Variants in MMP17 observed in about 807,000 individuals in gnomAD.
MMP17 encodes matrix metalloproteinase-17.
MMP17 carries 54 observed loss-of-function variants against 49.1 expected under a neutral mutation model. The ratio of observed to expected loss-of-function variants is 1.10; its 90% CI spans 0.88 to 1.38. The LOEUF is 1.38. Among genes scored for constraint, MMP17 ranks in the 40% most tolerant of loss-of-function variants. The pLI, the probability that MMP17 is intolerant of heterozygous loss-of-function variation, is 0.00. For synonymous variants in MMP17, 397 were observed against 383.1 expected (o/e 1.04, Z -0.42); for missense variants, 837 against 853.7 (o/e 0.98, Z 0.24).
At chr12:131,844,953 G>T in intron 6 of MMP17, 165 bp from the exon 7 acceptor site, 2 of 650,578 alleles carry the variant, frequency 3.1e-6, no homozygotes, top group South Asian at 1.9e-5. Context: ...GCGGTGGACA[G>T]GCACCCCCGT....
intron 8 of MMP17, among the ~76,000 whole-genome samples, chr12:131,849,382 G>C (rs1887860623): frequency 6.6e-6 from 1 of 152,200 alleles, no homozygotes; most frequent in African/African-American, 2.4e-5. Context: ...TACGCGGGAG[G>C]CTGAGGCATG....
intron 1 of MMP17, among the ~76,000 whole-genome samples, chr12:131,829,419 G>T (rs745950887): frequency 2.5e-4 from 38 of 152,230 alleles, no homozygotes; most frequent in Non-Finnish European, 4.4e-4. Flanking sequence ...GTCTCCTGTG[G>T]ACCCGGAAGA....
At position 131,851,246 on chromosome 12, in the gene MMP17, G is replaced by A; in HGVS notation, c.1784G>A (p.Trp595Ter). 1 of 1,445,264 alleles carries A rather than the reference G, an allele frequency of 6.9e-7. No homozygotes were observed. Among genetic ancestry groups the A allele is most frequent in the Non-Finnish European group, 9.1e-7 (1 of 1,096,292 alleles). The allele number at this position is 1,445,264 out of a possible 1,614,324, so 89.5% of individuals were successfully genotyped here. A position where few individuals can be genotyped will look rare whatever the true frequency, so the allele number is the denominator to read the frequency against. Residue 595 changes from tryptophan (W) to a stop codon, truncating the protein, a stop_gained, in exon 10 of 10, where the codon TGG becomes TAG. Coordinates refer to ENST00000360564, the MANE Select transcript of MMP17 (RefSeq NM_016155.7). LOFTEE classifies it high-confidence loss of function. ...CCGCCACTGTCACCAGGCGCCCTGT[G>A]GACAGCGGCCCAGGCCCTGACGCTA... ...LLPPLSPGAL[W>*]TAAQALTL
rs767592241 is a variant in MMP17 at position 131,845,376 on chromosome 12, C to A, written c.1131C>A (p.Gly377=). The A allele has an allele frequency of 1.3e-6, 2 of 1,597,382 alleles. No homozygotes were observed. The highest frequency in any genetic ancestry group is 1.7e-5 in the Admixed American group (1 of 59,790). The change falls in exon 8 of 10, where the codon GGC becomes GGA. Residue 377 remains glycine, a synonymous_variant. Transcript: ENST00000360564. ...CACAGATGCACCGCTTCTGGCGGGGCCTGCCGCTGCACCTGGACAGCGTGG... is the reference window on the plus strand; with the variant it reads ...CACAGATGCACCGCTTCTGGCGGGGACTGCCGCTGCACCTGGACAGCGTGG... ...QPAQMHRFWR[G]LPLHLDSVDA... is the part of the protein sequence containing the mutation.
intron 1 of MMP17, 33 bp from the exon 2 acceptor site, chr12:131,838,162 G>A: frequency 6.3e-7 from 1 of 1,581,112 alleles, no homozygotes; most frequent in Non-Finnish European, 8.6e-7. Context: ...CGGGCCCTCT[G>A]TTGCACCCCC....
chr12:131,848,786 A>C (rs1206466411), intron 8 of MMP17, among the ~76,000 whole-genome samples: 1 of 152,130 alleles, frequency 6.6e-6, no homozygotes. Context: ...GCGGCATTCC[A>C]TGGCACGGAC....
rs551759890 is a variant in MMP17 at position 131,838,731 on chromosome 12, C to T, written c.412C>T (p.Leu138=). The change falls in exon 3 of 10, where the codon CTG becomes TTG. Residue 138 remains leucine (L), a synonymous_variant. Coordinates refer to ENST00000360564, the MANE Select transcript of MMP17 (RefSeq NM_016155.7). The part of the protein sequence containing the change: ...PAPTKWNKRN[L]SWRVRTFPRD... Reference sequence around the variant, plus strand: ...CCCCACCAAGTGGAACAAGAGGAACCTGTCGTGGAGGTGGGTGTGTGGCCA... The same window carrying T: ...CCCCACCAAGTGGAACAAGAGGAACTTGTCGTGGAGGTGGGTGTGTGGCCA... The T allele has an allele frequency of 4.2e-5, 66 of 1,580,068 alleles. 3 individuals carry two copies. In the South Asian group the frequency reaches 7.5e-4, roughly 18 times the overall value.
chr12:131,841,968 G>A (rs1191736243), intron 5 of MMP17, among the ~76,000 whole-genome samples, 168 bp downstream of exon 5: 1 of 152,148 alleles, frequency 6.6e-6, no homozygotes, highest in Non-Finnish European at 1.5e-5. Flanking sequence ...GCCCACCCCT[G>A]ACGTCCCCAG....
chr12:131,837,835 C>T (rs1216183854), intron 1 of MMP17, among the ~76,000 whole-genome samples: 1 of 152,200 alleles, frequency 6.6e-6, no homozygotes, highest in Non-Finnish European at 1.5e-5. Flanking sequence ...CTCAGCCTCC[C>T]GAGTAGCTGG....
chr12:131,840,258 A>AG, intron 3 of MMP17: 1 of 307,184 alleles, frequency 3.3e-6, no homozygotes, highest in Admixed American at 4.6e-5. Context: ...AGTGGGGAGC[A>AG]GGGGGATGGG....
chr12:131,849,853 G>A lies in MMP17; in HGVS notation c.1256G>A (p.Arg419His), dbSNP rs377440987. ...KDNNVEEGYP[R>H]PVSDFSLPPG... is the part of the protein sequence containing the mutation. ...AATAACGTAGAGGAAGGATACCCGC[G>A]CCCCGTCTCCGACTTCAGCCTCCCG... Residue 419 changes from arginine (R) to histidine (H), a missense_variant, in exon 9 of 10, where the codon CGC becomes CAC. Arg to His is a conservative substitution (Grantham distance 29). Coordinates refer to ENST00000360564, the MANE Select transcript of MMP17 (RefSeq NM_016155.7). 12 of 1,613,862 alleles carry A rather than the reference G, an allele frequency of 7.4e-6. No homozygotes were observed. The African/African-American group carries it at 8.0e-5, about 11-fold the overall frequency.
rs1032417041 is a variant in MMP17, at chr12:131,840,910, G to A, written c.706+54G>A. The A allele has an allele frequency of 4.7e-6, 7 of 1,504,662 alleles. No individual in the cohort carries two copies. In the African/African-American group the frequency reaches 8.3e-5, roughly 18 times the overall value. 93.2% of individuals were successfully genotyped at this position (1,504,662 alleles called of 1,614,324 possible). A position where few individuals can be genotyped will look rare whatever the true frequency, so the allele number is the denominator to read the frequency against. On this transcript the variant is annotated intron_variant, in intron 4 of 9. Transcript: ENST00000360564. Reference sequence around the variant, plus strand: ...GTCAGGAGCCCCAGCGGCCTGTGAGGCTGAGGAGCAGCCATGGCCCCCCCA... The same window carrying A: ...GTCAGGAGCCCCAGCGGCCTGTGAGACTGAGGAGCAGCCATGGCCCCCCCA...
chr12:131,838,056 AAG>A, intron 1 of MMP17, 137 bp from the exon 2 acceptor site: 1 of 1,091,416 alleles, frequency 9.2e-7, no homozygotes, highest in African/African-American at 1.6e-5. Flanking sequence ...CTGCCCAGGG[AAG>A]AGACAAGAGG....
chr12:131,839,479 AT>A (rs1231559283), intron 3 of MMP17, among the ~76,000 whole-genome samples: 1 of 151,376 alleles, frequency 6.6e-6, no homozygotes, highest in Non-Finnish European at 1.5e-5. Flanking sequence ...CACCCAGCTA[AT>A]TTTTTTCTTT....
intron 1 of MMP17, among the ~76,000 whole-genome samples, chr12:131,832,732 G>T (rs976966538): frequency 1.3e-5 from 2 of 152,090 alleles, no homozygotes; most frequent in Non-Finnish European, 2.9e-5. Flanking sequence ...TTCCCCTGTG[G>T]ACCCTGCAGT....
chr12:131,843,237 A>G (rs1887513267), intron 5 of MMP17, among the ~76,000 whole-genome samples: 1 of 138,946 alleles, frequency 7.2e-6, no homozygotes, highest in South Asian at 2.4e-4. Context: ...AAGTGCTGGG[A>G]TTATAGGCGT....
intron 1 of MMP17, among the ~76,000 whole-genome samples, chr12:131,830,706 G>A (rs1886747389): frequency 1.3e-5 from 2 of 152,142 alleles, no homozygotes; most frequent in Non-Finnish European, 2.9e-5. Context: ...TTGTCTCAGA[G>A]CTGCAGACAG....
chr12:131,830,963 G>A (rs1886762919), intron 1 of MMP17, among the ~76,000 whole-genome samples: 2 of 152,228 alleles, frequency 1.3e-5, no homozygotes, highest in Admixed American at 1.3e-4. Flanking sequence ...AGCAGCCCAG[G>A]GTCTCCACAG....
chr12:131,851,074 G>C lies in MMP17; in HGVS notation c.1612G>C (p.Ala538Pro), dbSNP rs150188670. 1.2e-6 allele frequency: 2 copies of C among 1,606,454 alleles called. No homozygotes were observed. Among genetic ancestry groups the C allele is most frequent in the Non-Finnish European group, 1.7e-6 (2 of 1,176,968 alleles). ...ADGSVAAGVD[A>P]AEGPRAPPGQ... ...TGGATCTGTGGCTGCGGGCGTGGAC[G>C]CGGCAGAGGGGCCCCGCGCCCCTCC... Residue 538 changes from alanine to proline, a missense_variant, in exon 10 of 10, where the codon GCG (alanine) becomes CCG (proline). Coordinates refer to ENST00000360564, the MANE Select transcript of MMP17 (RefSeq NM_016155.7).
Sources: gnomAD v4.1 joint callset for allele counts (sites outside exome capture counted in the v4.1 genomes callset) on GRCh38, gnomAD v4.1.1 for gene constraint, MANE v1.5 for transcripts, NCBI Gene and HGNC (gene_info 2026-07-23, HGNC 2026-07-21) for gene names.